The following TRO variants were observed in gnomAD, a reference collection of about 807,000 sequenced individuals.
TRO encodes MAGE superfamily protein.
TRO carries 29 observed loss-of-function variants against 42.3 expected under a neutral mutation model. The ratio of observed to expected loss-of-function variants is 0.68; its 90% CI spans 0.51 to 0.93. The LOEUF (loss-of-function observed/expected upper bound fraction) is 0.93, where lower values mean the gene tolerates loss of function less well. Among genes scored for constraint, TRO ranks in the 40% least tolerant of loss-of-function variants. The pLI, the probability that TRO is intolerant of heterozygous loss-of-function variation, is 0.00. For synonymous variants in TRO, 384 were observed against 425.2 expected (o/e 0.90, Z 1.19); for missense variants, 963 against 1,127.7 (o/e 0.85, Z 2.09).
At position 54,929,945 on chromosome X, in the gene TRO, G is replaced by C. The variant is rs1219586716; in HGVS notation, c.3221G>C (p.Ser1074Thr). Residue 1074 changes from serine (S) to threonine (T), a missense_variant, in exon 12 of 13, where the codon AGC becomes ACC. By Grantham distance (58) the Ser-to-Thr change is moderately conservative (BLOSUM62 1). This residue lies in a region of TRO where 641 missense variants were observed against 811.3 expected (regional missense o/e 0.79). Coordinates refer to ENST00000173898, the MANE Select transcript of TRO (RefSeq NM_001039705.3). ...AATGCCAGCTTTGGCTGTGCCGTCAGCACCAGTGCCAGCTTCAGTGGTGCT... is the reference window on the plus strand; with the variant it reads ...AATGCCAGCTTTGGCTGTGCCGTCACCACCAGTGCCAGCTTCAGTGGTGCT... ...NTNASFGCAV[S>T]TSASFSGAVS... 1.7e-6 allele frequency: 2 copies of C among 1,210,902 alleles called. No individual in the cohort carries two copies. Among genetic ancestry groups the C allele is most frequent in the Non-Finnish European group, 2.2e-6 (2 of 894,874 alleles).
At position 54,929,223 on chromosome X, in the gene TRO, C is replaced by T. The variant is rs61732503; in HGVS notation, c.2499C>T (p.Gly833=). Residue 833 remains glycine, a synonymous_variant, in exon 12 of 13, where the codon GGC becomes GGT. Transcript: ENST00000173898. ...GTGGAGTCAGCTCTAGTTTTAGTGG[C>T]CCACTCAGCACCAGTGCCACTTTCA... The part of the protein sequence containing the change: ...FSGGVSSSFS[G]PLSTSATFSG... The T allele has an allele frequency of 3.7e-3, 4,440 of 1,210,913 alleles. 115 individuals carry two copies. The African/African-American group carries it at 0.07, about 19-fold the overall frequency.
chrX:54,922,325 G>T (rs1932183733), intron 2 of TRO, 34 bp downstream of exon 2: 1 of 1,190,373 alleles, frequency 8.4e-7, no homozygotes, highest in African/African-American at 1.8e-5. Flanking sequence ...TAGGCCATCT[G>T]CCCCATCCTG....
At chrX:54,927,960 C>T (rs866238683) in intron 11 of TRO, among the ~76,000 whole-genome samples, 179 bp downstream of exon 11, 1 of 112,923 alleles carries the variant, frequency 8.9e-6, no homozygotes, top group South Asian at 3.6e-4. Flanking sequence ...CTCATTCATT[C>T]TTCATACTTT....
rs373525047 is a variant in TRO, at chrX:54,929,963, G to T, written c.3239G>T (p.Ser1080Ile). 2.6e-5 allele frequency: 32 copies of T among 1,210,401 alleles called. No individual in the cohort carries two copies. The highest frequency in any genetic ancestry group is 3.5e-5 in the Non-Finnish European group (31 of 894,968). The part of the protein sequence containing the change: ...GCAVSTSASF[S>I]GAVSTSACFS... The stretch of plus-strand genomic sequence containing the variant: ...GCCGTCAGCACCAGTGCCAGCTTCA[G>T]TGGTGCTGTCAGCACCAGTGCTTGC... The change falls in exon 12 of 13, where the codon AGT becomes ATT. Residue 1080 changes from serine (S) to isoleucine (I), a missense_variant. Physicochemically the swap from Ser to Ile is moderately radical, Grantham distance 142 (BLOSUM62 -2). Coordinates refer to ENST00000173898, the MANE Select transcript of TRO (RefSeq NM_001039705.3).
intron 3 of TRO, 90 bp from the exon 4 acceptor site, chrX:54,924,361 G>A: frequency 1.1e-6 from 1 of 871,306 alleles, no homozygotes; most frequent in Non-Finnish European, 1.6e-6. Context: ...GGGGTTAGAG[G>A]GACTTTCTGT....
At chrX:54,921,964 A>G (rs1932125402) in intron 1 of TRO, 2 of 273,174 alleles carry the variant, frequency 7.3e-6, no homozygotes, top group Non-Finnish European at 1.3e-5. Flanking sequence ...GGGCGCCTCT[A>G]GTCGGTGCGC....
chrX:54,923,872 C>A, intron 3 of TRO, 104 bp downstream of exon 3: 1 of 860,477 alleles, frequency 1.2e-6, no homozygotes, highest in Non-Finnish European at 1.6e-6. Context: ...GAGCTAGTCC[C>A]TGTGTTCAGA....
intron 1 of TRO, chrX:54,921,946 G>A (rs1307795748): frequency 3.8e-6 from 1 of 266,012 alleles, no homozygotes; most frequent in Non-Finnish European, 6.6e-6. Context: ...GCCTAAGATG[G>A]GGGGTGGGGG....
In TRO at chrX:54,929,668, G is replaced by A; in HGVS notation, c.2944G>A (p.Val982Met). 2 of 1,211,151 alleles carry A rather than the reference G, an allele frequency of 1.7e-6. No homozygotes were observed. Reference protein sequence around the residue: ...ALNTSASFGSVLNTSTGFGGA... With the variant: ...ALNTSASFGSMLNTSTGFGGA... The stretch of plus-strand genomic sequence containing the variant: ...CAACACCAGTGCCAGCTTTGGCAGT[G>A]TGCTCAACACCAGTACTGGTTTTGG... Residue 982 changes from valine (V) to methionine (M), a missense_variant, in exon 12 of 13, where the codon GTG (valine) becomes ATG (methionine). Val to Met is a conservative substitution (Grantham distance 21). Transcript: ENST00000173898.
intron 11 of TRO, among the ~76,000 whole-genome samples, chrX:54,928,263 T>TCCATAAAGGCCCTA (rs1932838062): frequency 8.9e-6 from 1 of 111,801 alleles, no homozygotes; most frequent in East Asian, 2.8e-4. Context: ...CTTAATTATC[T>TCCATAAAGGCCCTA]CCATAAAGGC....
In TRO at chrX:54,929,091, C is replaced by T. The variant is rs376685848; in HGVS notation, c.2367C>T (p.Ser789=). 2.3e-4 allele frequency: 281 copies of T among 1,211,108 alleles called. No homozygotes were observed. Among genetic ancestry groups the T allele is most frequent in the African/African-American group, 4.0e-4 (23 of 57,502 alleles). The change falls in exon 12 of 13, where the codon AGC becomes AGT. Residue 789 remains serine (S), a synonymous_variant. Transcript: ENST00000173898. ...GTLSTSSSFS[S]AASISFGCAH... The stretch of plus-strand genomic sequence containing the variant: ...TGAGCACTAGCTCCAGCTTCAGCAG[C>T]GCAGCCAGCATTAGCTTTGGTTGTG...
intron 1 of TRO, 61 bp from the exon 2 acceptor site, chrX:54,922,142 C>T (rs771592250): frequency 2.1e-6 from 2 of 943,164 alleles, no homozygotes; most frequent in South Asian, 2.4e-5. Flanking sequence ...TGAGACTCCC[C>T]TAAGTCAGGA....
At position 54,929,739 on chromosome X, in the gene TRO, C is replaced by G. The variant is rs752746143; in HGVS notation, c.3015C>G (p.Thr1005=). The G allele has an allele frequency of 1.5e-5, 18 of 1,211,964 alleles. No individual in the cohort carries two copies. The highest frequency in any genetic ancestry group is 1.8e-5 in the Non-Finnish European group (16 of 895,572). Residue 1005 remains threonine, a synonymous_variant, in exon 12 of 13, where the codon ACC becomes ACG. Transcript: ENST00000173898. ...CTGACTTTGGCGGTACACTAAGCAC[C>G]AGTGTCTGCTTTGGTGGCTCTCCTG... is the stretch of plus-strand genomic sequence containing the variant. ...TSADFGGTLS[T]SVCFGGSPGT...
rs1226591912 is a variant in TRO, at chrX:54,923,728, T to G, written c.1196T>G (p.Leu399Arg). ...GATGACTATCTGGCTCAGTTGAGCCTGGAGCCCACAACCAGGACCCGGGGC... is the reference window on the plus strand; with the variant it reads ...GATGACTATCTGGCTCAGTTGAGCCGGGAGCCCACAACCAGGACCCGGGGC... ...LADDYLAQLS[L>R]EPTTRTRGKR... The change falls in exon 3 of 13, where the codon CTG becomes CGG. Residue 399 changes from leucine to arginine, a missense_variant. Leu to Arg is a moderately radical substitution (Grantham distance 102, BLOSUM62 -2). This residue lies in a region of TRO where 322 missense variants were observed against 316.5 expected (regional missense o/e 1.02). Coordinates refer to ENST00000173898, the MANE Select transcript of TRO (RefSeq NM_001039705.3). 1 of 1,207,581 alleles carries G rather than the reference T, an allele frequency of 8.3e-7. No homozygotes were observed. The highest frequency in any genetic ancestry group is 1.7e-5 in the African/African-American group (1 of 57,495).
rs1428787229 is a variant in TRO at position 54,922,558 on chromosome X, T to C, written c.46-20T>C. 1.7e-6 allele frequency: 2 copies of C among 1,183,267 alleles called. No individual in the cohort carries two copies. The highest frequency in any genetic ancestry group is 1.1e-6 in the Non-Finnish European group (1 of 880,749). On this transcript the variant is annotated intron_variant, in intron 2 of 12. Transcript: ENST00000173898. ...TAGCGAGGCCAAATGGCCCAGAGGA[T>C]GGTAATCCTAAGTGTGTAGGGCCCT...
At position 54,929,395 on chromosome X, in the gene TRO, G is replaced by A. The variant is rs745372290; in HGVS notation, c.2671G>A (p.Gly891Ser). The stretch of plus-strand genomic sequence containing the variant: ...GCTTAGCACCAGCACTGGCTTTGGA[G>A]GCATACTCAGCACCAGTGTCTGTTT... ...SALSTSTGFG[G>S]ILSTSVCFGG... Residue 891 changes from glycine (G) to serine (S), a missense_variant, in exon 12 of 13, where the codon GGC (glycine) becomes AGC (serine). Gly to Ser is a moderately conservative substitution (Grantham distance 56). Around this residue, in one of 2 missense-constraint regions of TRO, gnomAD observed 641 missense variants for 811.3 expected, o/e 0.79. Coordinates refer to ENST00000173898, the MANE Select transcript of TRO (RefSeq NM_001039705.3). 5 of 1,211,064 alleles carry A rather than the reference G, an allele frequency of 4.1e-6. No homozygotes were observed. Among genetic ancestry groups the A allele is most frequent in the Middle Eastern group, 2.3e-4 (1 of 4,371 alleles).
At position 54,929,246 on chromosome X, in the gene TRO, T is replaced by C; in HGVS notation, c.2522T>C (p.Phe841Ser). Residue 841 changes from phenylalanine to serine, a missense_variant, in exon 12 of 13, where the codon TTC becomes TCC. Phe to Ser is a radical substitution (Grantham distance 155). Coordinates refer to ENST00000173898, the MANE Select transcript of TRO (RefSeq NM_001039705.3). ...FSGPLSTSATFSGGASSGFGG... is the reference protein window; with the variant it reads ...FSGPLSTSATSSGGASSGFGG... ...GGCCCACTCAGCACCAGTGCCACTT[T>C]CAGTGGTGGAGCCAGCTCTGGCTTT... is the stretch of plus-strand genomic sequence containing the variant. 1 of 1,212,241 alleles carries C rather than the reference T, an allele frequency of 8.2e-7. No individual in the cohort carries two copies.
intron 10 of TRO, 151 bp downstream of exon 10, chrX:54,927,256 G>T: frequency 1.5e-6 from 1 of 658,791 alleles, no homozygotes; most frequent in South Asian, 2.7e-5. Context: ...AATTCCCATG[G>T]GCAGACCTTT....
At chrX:54,921,411 G>T (rs1353370015) in intron 1 of TRO, 1 of 110,503 alleles carries the variant, frequency 9.0e-6, no homozygotes, top group Non-Finnish European at 1.9e-5. Flanking sequence ...GAAGAGACAG[G>T]ACCTGGTAGG....
Sources: allele counts gnomAD v4.1 joint callset (sites outside exome capture counted in the v4.1 genomes callset), GRCh38; gene constraint gnomAD v4.1.1; regional missense constraint gnomAD v4.1.1; transcripts MANE v1.5; gene names NCBI Gene and HGNC (gene_info 2026-07-23, HGNC 2026-07-21).